Variants in BCAS3 observed in about 807,000 individuals in gnomAD.
BCAS3 encodes BCAS3 microtubule associated cell migration factor, also known as BCAS4/BCAS3 fusion.
BCAS3 carries 53 observed loss-of-function variants against 116.1 expected under a neutral mutation model. The ratio of observed to expected loss-of-function variants is 0.46; its 90% confidence interval spans 0.37 to 0.57. BCAS3 has a LOEUF of 0.57. BCAS3 is among the 20% of genes least tolerant of loss of function. The probability of loss-of-function intolerance (pLI) is 0.00; values close to 1 mark genes in which losing one functional copy is unlikely to be tolerated. For missense variants in BCAS3, 917 were observed against 1,165.4 expected (o/e 0.79, Z 3.10); for synonymous variants, 391 against 408.2 (o/e 0.96, Z 0.51).
At position 61,324,946 on chromosome 17, in the gene BCAS3, C is replaced by T. The variant is rs1345201692; in HGVS notation, c.2426-43381C>T. 6.6e-6 allele frequency among the ~76,000 whole-genome samples: 1 copy of T among 152,112 alleles called. No individual in the cohort carries two copies. The highest frequency in any genetic ancestry group is 1.5e-5 in the Non-Finnish European group (1 of 68,032). Reference sequence around the variant, plus strand: ...AGTTTTAGAAGAAAAGTTTGAGCTGCTAGAGGAGAAAGAGGAAACAGTTTA... The same window carrying T: ...AGTTTTAGAAGAAAAGTTTGAGCTGTTAGAGGAGAAAGAGGAAACAGTTTA... On this transcript the variant is annotated intron_variant, in intron 22 of 23. Transcript: ENST00000407086. This position sits in a 1 kb window ranked among gnomAD's most constrained non-coding sequence, Gnocchi z 4.6.
At chr17:60,714,391 G>A (rs553615926) in intron 5 of BCAS3, among the ~76,000 whole-genome samples, 18 of 152,148 alleles carry the variant, frequency 1.2e-4, no homozygotes, top group African/African-American at 3.4e-4. Flanking sequence ...TAACTGTCCC[G>A]CGGTGGCTCA....
At position 61,236,609 on chromosome 17, in the gene BCAS3, C is replaced by T. The variant is rs188641646; in HGVS notation, c.2426-131718C>T. On this transcript the variant is annotated intron_variant, in intron 22 of 23. Coordinates refer to ENST00000407086, the MANE Select transcript of BCAS3 (RefSeq NM_017679.5). ...TGCTGGGATTACAGGCGTGAGCCAC[C>T]GCATCCGGCCACTGTAACCTTTATT... 4.1e-3 allele frequency among the ~76,000 whole-genome samples: 623 copies of T among 152,274 alleles called. 1 individual carries two copies. The highest frequency in any genetic ancestry group is 0.01 in the Middle Eastern group (3 of 294).
rs112717035 is a variant in BCAS3 at position 61,258,778 on chromosome 17, C to T, written c.2426-109549C>T. Reference sequence around the variant, plus strand: ...TTGATTTGGGAAGCCAGGCATCACTCTGTGGAAGAACCACAGAACACTAGC... The same window carrying T: ...TTGATTTGGGAAGCCAGGCATCACTTTGTGGAAGAACCACAGAACACTAGC... On this transcript the variant is annotated intron_variant, in intron 22 of 23. Coordinates refer to ENST00000407086, the MANE Select transcript of BCAS3 (RefSeq NM_017679.5). The surrounding 1 kb of genome is among the most constrained non-coding windows in gnomAD (Gnocchi z 4.7). Among the ~76,000 whole-genome samples the T allele has an allele frequency of 6.6e-6, 1 of 152,240 alleles. No individual in the cohort carries two copies. The highest frequency in any genetic ancestry group is 2.4e-5 in the African/African-American group (1 of 41,470).
intron 19 of BCAS3, among the ~76,000 whole-genome samples, chr17:61,045,855 A>G (rs1220957410): frequency 3.2e-4 from 1 of 3,140 alleles, no homozygotes; most frequent in Admixed American, 6.7e-3. Flanking sequence ...CTCTCTATAT[A>G]TATATATATA....
At chr17:61,146,817 T>C (rs1280140537) in intron 22 of BCAS3, among the ~76,000 whole-genome samples, 1 of 152,218 alleles carries the variant, frequency 6.6e-6, no homozygotes, top group Non-Finnish European at 1.5e-5. Flanking sequence ...ATTGGTAGTT[T>C]AAATAATATT....
chr17:60,931,502 C>T (rs148125293), intron 13 of BCAS3, among the ~76,000 whole-genome samples: 8,134 of 152,194 alleles, frequency 0.053, 326 homozygotes, highest in Non-Finnish European at 0.087. Context: ...GTCTCAAACT[C>T]CTGAGCTCAG....
chr17:60,987,201 T>TA (rs1479053219), intron 14 of BCAS3: 13 of 152,060 alleles, frequency 8.5e-5, no homozygotes, highest in African/African-American at 3.1e-4. Context: ...TGTCTGTTTT[T>TA]ATGCCAGTAC....
In BCAS3 at chr17:61,387,295, C is replaced by T. The variant is rs779990906; in HGVS notation, c.2594-4682C>T. ...AGGAGTAGGACAAGGTGTGGGCAGC[C>T]ATGCCCTTGCCTCCTCACAGACAAA... On this transcript the variant is annotated intron_variant, in intron 23 of 23. Transcript: ENST00000407086. The surrounding 1 kb of genome is among the most constrained non-coding windows in gnomAD (Gnocchi z 6.2). Among the ~76,000 whole-genome samples, 5 of 152,218 alleles carry T rather than the reference C, an allele frequency of 3.3e-5. No individual in the cohort carries two copies. The highest frequency in any genetic ancestry group is 7.3e-5 in the Non-Finnish European group (5 of 68,038).
chr17:60,772,505 T>A (rs993423748), intron 6 of BCAS3, among the ~76,000 whole-genome samples: 3 of 152,186 alleles, frequency 2.0e-5, no homozygotes, highest in Non-Finnish European at 4.4e-5. Context: ...ATTCTGTAGG[T>A]TGCCTGTTGA....
intron 6 of BCAS3, among the ~76,000 whole-genome samples, chr17:60,784,760 A>T (rs896161830): frequency 6.6e-6 from 1 of 152,058 alleles, no homozygotes; most frequent in Non-Finnish European, 1.5e-5. Context: ...TTATTTTAAA[A>T]GCGTTTCTGG....
intron 15 of BCAS3, among the ~76,000 whole-genome samples, chr17:60,991,664 C>T (rs1311787012): frequency 6.6e-6 from 1 of 152,124 alleles, no homozygotes; most frequent in South Asian, 2.1e-4. Flanking sequence ...GTAATATTCA[C>T]CATGTAAATG....
At chr17:61,044,109 T>G (rs994075634) in intron 19 of BCAS3, among the ~76,000 whole-genome samples, 2 of 151,818 alleles carry the variant, frequency 1.3e-5, no homozygotes, top group African/African-American at 4.8e-5. Context: ...GCATTTGGGG[T>G]CTTTATTCAG....
At chr17:61,374,574 C>T (rs1342303756) in intron 23 of BCAS3, among the ~76,000 whole-genome samples, 1 of 152,206 alleles carries the variant, frequency 6.6e-6, no homozygotes, top group African/African-American at 2.4e-5. Context: ...ACTGATTCTT[C>T]TTTACAGTGA....
chr17:60,940,824 A>G (rs1284228995), intron 13 of BCAS3, among the ~76,000 whole-genome samples: 2 of 152,170 alleles, frequency 1.3e-5, no homozygotes, highest in African/African-American at 2.4e-5. Context: ...TCTAGTTCAC[A>G]TGTGTGTATA....
chr17:61,075,594 C>T (rs983976334), intron 20 of BCAS3, among the ~76,000 whole-genome samples: 4 of 152,098 alleles, frequency 2.6e-5, no homozygotes, highest in Admixed American at 6.5e-5. Context: ...GGATTACAGA[C>T]GTGAGCCACT....
Position 61,324,711 on chromosome 17 carries a change from G to A in BCAS3, c.2426-43616G>A, listed in dbSNP as rs1415811704. On this transcript the variant is annotated intron_variant, in intron 22 of 23. Transcript: ENST00000407086. This position sits in a 1 kb window ranked among gnomAD's most constrained non-coding sequence, Gnocchi z 4.6. ...TCTCATTTGCCTTGTTTATAAAATG[G>A]TATCCAGCCAGGCACGGTAGCTCAC... 6.6e-6 allele frequency among the ~76,000 whole-genome samples: 1 copy of A among 151,886 alleles called. No individual in the cohort carries two copies. Among genetic ancestry groups the A allele is most frequent in the Non-Finnish European group, 1.5e-5 (1 of 67,988 alleles).
chr17:61,155,139 A>C lies in BCAS3; in HGVS notation c.2425+70575A>C, dbSNP rs560172604. 1.4e-4 allele frequency among the ~76,000 whole-genome samples: 21 copies of C among 152,336 alleles called. No individual in the cohort carries two copies. In the South Asian group the frequency reaches 4.4e-3, roughly 32 times the overall value. On this transcript the variant is annotated intron_variant, in intron 22 of 23. Coordinates refer to ENST00000407086, the MANE Select transcript of BCAS3 (RefSeq NM_017679.5). ...AACCCATTTTATTATACAATGAAAAAAGTGTACGAAGCTTACATATGATTT... is the reference window on the plus strand; with the variant it reads ...AACCCATTTTATTATACAATGAAAACAGTGTACGAAGCTTACATATGATTT...
chr17:60,984,159 A>G (rs889527742), intron 14 of BCAS3, among the ~76,000 whole-genome samples: 3 of 152,208 alleles, frequency 2.0e-5, no homozygotes, highest in Non-Finnish European at 4.4e-5. Flanking sequence ...CGAGATTGGC[A>G]GGCATGTGGT....
intron 7 of BCAS3, among the ~76,000 whole-genome samples, chr17:60,850,512 C>G (rs2053028840): frequency 6.6e-6 from 1 of 151,816 alleles, no homozygotes; most frequent in South Asian, 2.1e-4. Context: ...GCACCCGCCA[C>G]CACACCCAGC....
Sources: allele counts gnomAD v4.1 joint callset (sites outside exome capture counted in the v4.1 genomes callset), GRCh38; gene constraint gnomAD v4.1.1; non-coding constraint Gnocchi (gnomAD v3.1); transcripts MANE v1.5; gene names NCBI Gene and HGNC (gene_info 2026-07-23, HGNC 2026-07-21).